ATG2B: variants seen among roughly 807,000 people sequenced by gnomAD.
The protein encoded by ATG2B is autophagy-related protein 2 homolog B.
Under a neutral mutation model 241.3 loss-of-function variants are expected in ATG2B, and 121 were observed. The observed-to-expected ratio is 0.50, with a 90% CI of 0.43 to 0.58. ATG2B has a LOEUF of 0.58. ATG2B is among the 20% of genes least tolerant of loss of function. The pLI, the probability that ATG2B is intolerant of heterozygous loss-of-function variation, is 0.00. For synonymous variants in ATG2B, 858 were observed against 876.6 expected, an observed-to-expected ratio of 0.98 and a Z score of 0.37; for missense variants, 2,306 against 2,491.6, an observed-to-expected ratio of 0.93 and a Z score of 1.59.
chr14:96,307,724 T>C (rs898116671), intron 29 of ATG2B, among the ~76,000 whole-genome samples: 1 of 151,802 alleles, frequency 6.6e-6, no homozygotes, highest in Non-Finnish European at 1.5e-5. Flanking sequence ...GAGCAAGCAT[T>C]AGGTGGCAGA....
Position 96,303,238 on chromosome 14 carries a change from T to C in ATG2B, c.4860A>G (p.Glu1620=). 6.3e-7 allele frequency: 1 copy of C among 1,581,336 alleles called. No homozygotes were observed. The highest frequency in any genetic ancestry group is 8.6e-7 in the Non-Finnish European group (1 of 1,162,190). The change falls in exon 33 of 42, where the codon GAA becomes GAG. Residue 1620 remains glutamate, a synonymous_variant. Coordinates refer to ENST00000359933, the MANE Select transcript of ATG2B (RefSeq NM_018036.7). The stretch of plus-strand genomic sequence containing the variant: ...AATCAGGTTTGCATGGCGGGTAGAC[T>C]TCATGCTGAAACTTCACCTTAACGG... The part of the protein sequence containing the change: ...IQLSKVKFQH[E]VYPPCKPDCD...
At position 96,347,261 on chromosome 14, in the gene ATG2B, A is replaced by T. The variant is rs774561630; in HGVS notation, c.243T>A (p.Val81=). Residue 81 remains valine, a synonymous_variant, in exon 2 of 42, where the codon GTT becomes GTA. Transcript: ENST00000359933. The part of the protein sequence containing the change: ...EGFIQSISLS[V]PWGSLLQDNC... ...TATCCTGCAGTAAAGAGCCCCATGG[A>T]ACTGACAGGGAAATTGACTGAATGA... 7.4e-6 allele frequency: 12 copies of T among 1,612,108 alleles called. No individual in the cohort carries two copies. The highest frequency in any genetic ancestry group is 1.0e-5 in the Non-Finnish European group (12 of 1,178,520).
At chr14:96,298,375 A>C (rs1886704096) in intron 34 of ATG2B, among the ~76,000 whole-genome samples, 1 of 152,246 alleles carries the variant, frequency 6.6e-6, no homozygotes, top group African/African-American at 2.4e-5. Flanking sequence ...GCTTCTTAAG[A>C]GAGCTCAACA....
Position 96,285,642 on chromosome 14 carries a change from T to C in ATG2B, c.*113A>G, listed in dbSNP as rs1886313129. On this transcript the variant is annotated 3_prime_UTR_variant, in exon 42 of 42. Transcript: ENST00000359933. This position sits in a 1 kb window ranked among gnomAD's most constrained non-coding sequence, Gnocchi z 4.2. ...TTAAATTATTTAACTAAAAAATGCTTTTGTTCCTGAGATGAGCACAATAAA... is the reference window on the plus strand; with the variant it reads ...TTAAATTATTTAACTAAAAAATGCTCTTGTTCCTGAGATGAGCACAATAAA... 1.0e-6 allele frequency: 1 copy of C among 985,926 alleles called. No individual in the cohort carries two copies. The highest frequency in any genetic ancestry group is 1.5e-6 in the Non-Finnish European group (1 of 664,292). 61.1% of individuals were successfully genotyped at this position (985,926 alleles called of 1,614,324 possible). A position where few individuals can be genotyped will look rare whatever the true frequency, so the allele number is the denominator to read the frequency against.
intron 14 of ATG2B, among the ~76,000 whole-genome samples, chr14:96,326,939 T>C (rs1035540167): frequency 1.6e-4 from 25 of 152,118 alleles, no homozygotes; most frequent in African/African-American, 6.0e-4. Context: ...CAGGCAAAAA[T>C]AACCCAACAG....
intron 1 of ATG2B, among the ~76,000 whole-genome samples, chr14:96,359,361 G>C (rs1888564272): frequency 6.6e-6 from 1 of 151,440 alleles, no homozygotes; most frequent in Admixed American, 6.6e-5. Flanking sequence ...CTGGGTGACA[G>C]AGTGAGACCC....
At chr14:96,294,932 CATTT>C in intron 36 of ATG2B, 24 bp downstream of exon 36, 1 of 1,591,802 alleles carries the variant, frequency 6.3e-7, no homozygotes, top group Non-Finnish European at 8.6e-7. Context: ...AAAATAACTT[CATTT>C]GTTATTAAAA....
intron 34 of ATG2B, among the ~76,000 whole-genome samples, chr14:96,301,022 C>A (rs1003831146): frequency 6.6e-6 from 1 of 152,182 alleles, no homozygotes; most frequent in African/African-American, 2.4e-5. Context: ...GAGCTCATAT[C>A]AACACAATTT....
intron 41 of ATG2B, among the ~76,000 whole-genome samples, chr14:96,287,681 G>A (rs140546506): frequency 1.6e-4 from 24 of 152,292 alleles, no homozygotes; most frequent in African/African-American, 4.8e-4. Flanking sequence ...TACCACCCTC[G>A]TAAGTGCCTG....
At chr14:96,352,657 G>T (rs951377754) in intron 1 of ATG2B, among the ~76,000 whole-genome samples, 1 of 150,736 alleles carries the variant, frequency 6.6e-6, no homozygotes, top group Non-Finnish European at 1.5e-5. Flanking sequence ...TATAGCATAA[G>T]AATATAAAGA....
At chr14:96,336,649 G>A (rs1887876423) in intron 6 of ATG2B, among the ~76,000 whole-genome samples, 1 of 152,102 alleles carries the variant, frequency 6.6e-6, no homozygotes, top group African/African-American at 2.4e-5. Context: ...TACAAATGTT[G>A]AGGACTACAT....
intron 1 of ATG2B, among the ~76,000 whole-genome samples, chr14:96,360,488 A>C (rs920549003): frequency 6.6e-6 from 1 of 152,242 alleles, no homozygotes; most frequent in African/African-American, 2.4e-5. Context: ...TTATCTATAT[A>C]GTTTACAAAA....
chr14:96,286,096 G>T, intron 41 of ATG2B, 111 bp from the exon 42 acceptor site: 1 of 734,392 alleles, frequency 1.4e-6, no homozygotes, highest in Non-Finnish European at 2.2e-6. Flanking sequence ...CATTATGTTT[G>T]TAACCAGACA....
chr14:96,352,278 G>A (rs1485458465), intron 1 of ATG2B, among the ~76,000 whole-genome samples: 1 of 152,102 alleles, frequency 6.6e-6, no homozygotes, highest in Non-Finnish European at 1.5e-5. Context: ...GTTATACACA[G>A]TACATAATAC....
intron 36 of ATG2B, among the ~76,000 whole-genome samples, chr14:96,294,407 T>C (rs2139839735): frequency 6.6e-6 from 1 of 152,258 alleles, no homozygotes; most frequent in Admixed American, 6.5e-5. Context: ...GAAACTGCAG[T>C]GTGCTGTGCT....
chr14:96,332,782 T>A, intron 8 of ATG2B, 127 bp from the exon 9 acceptor site: 1 of 596,888 alleles, frequency 1.7e-6, no homozygotes, highest in African/African-American at 1.9e-5. Flanking sequence ...GCCCCAAATT[T>A]TATGTTACTT....
intron 1 of ATG2B, among the ~76,000 whole-genome samples, chr14:96,348,500 T>C (rs568272155): frequency 6.6e-6 from 1 of 152,130 alleles, no homozygotes; most frequent in Non-Finnish European, 1.5e-5. Flanking sequence ...CTGGCCAACA[T>C]GGTGAAATCC....
chr14:96,286,670 C>T (rs956625066), intron 41 of ATG2B, among the ~76,000 whole-genome samples: 8 of 152,132 alleles, frequency 5.3e-5, no homozygotes, highest in Non-Finnish European at 1.5e-5. Flanking sequence ...AATATACAAA[C>T]ATGTAGGTCA....
chr14:96,341,454 C>T, intron 6 of ATG2B, 68 bp downstream of exon 6: 2 of 1,257,410 alleles, frequency 1.6e-6, no homozygotes, highest in Non-Finnish European at 2.2e-6. Flanking sequence ...CAGTGAATCA[C>T]TGCATAGAAT....
Sources: allele counts gnomAD v4.1 joint callset (sites outside exome capture counted in the v4.1 genomes callset), GRCh38; gene constraint gnomAD v4.1.1; non-coding constraint Gnocchi (gnomAD v3.1); transcripts MANE v1.5; gene names NCBI Gene and HGNC (gene_info 2026-07-23, HGNC 2026-07-21).